Variants in GLRA1 observed in about 807,000 individuals in gnomAD.
GLRA1 encodes glycine receptor alpha 1.
GLRA1 carries 37 observed loss-of-function variants against 48.3 expected under a neutral mutation model. The observed-to-expected ratio is 0.77, with a 90% CI of 0.59 to 1.01. The LOEUF (loss-of-function observed/expected upper bound fraction) is 1.01, where lower values mean the gene tolerates loss of function less well. Among genes scored for constraint, GLRA1 ranks in the 50% least tolerant of loss-of-function variants. The probability of loss-of-function intolerance (pLI) is 0.00; values close to 1 mark genes in which losing one functional copy is unlikely to be tolerated. For missense variants in GLRA1, 427 were observed against 571.0 expected (o/e 0.75, Z 2.57); for synonymous variants, 196 against 210.7 (o/e 0.93, Z 0.60).
chr5:151,838,277 G>T (rs999618007), intron 7 of GLRA1, among the ~76,000 whole-genome samples: 19 of 152,122 alleles, frequency 1.2e-4, no homozygotes, highest in African/African-American at 3.6e-4. Context: ...AGACCAGCCT[G>T]GCCAACATGG....
chr5:151,851,604 C>T lies in GLRA1; in HGVS notation c.698G>A (p.Gly233Asp). 6.2e-7 allele frequency: 1 copy of T among 1,609,648 alleles called. No individual in the cohort carries two copies. Among genetic ancestry groups the T allele is most frequent in the East Asian group, 2.2e-5 (1 of 44,858 alleles). ...LRYCTKHYNT[G>D]KFTCIEARFH... ...CCGGGCCTCAATGCAGGTGAATTTA[C>T]CTGCAAGAAATTGCAGTGAGAAGGC... is the stretch of plus-strand genomic sequence containing the variant. Residue 233 changes from glycine (G) to aspartate (D), a missense_variant and splice_region_variant, in exon 7 of 9, where the codon GGT becomes GAT. Transcript: ENST00000274576.
At chr5:151,889,676 A>G (rs1362397567) in intron 2 of GLRA1, among the ~76,000 whole-genome samples, 2 of 151,998 alleles carry the variant, frequency 1.3e-5, no homozygotes, top group Non-Finnish European at 2.9e-5. Context: ...ACCTCTTTCT[A>G]TCATGTTGGA....
chr5:151,876,715 A>G (rs1181171369), intron 3 of GLRA1, among the ~76,000 whole-genome samples: 1 of 152,140 alleles, frequency 6.6e-6, no homozygotes, highest in African/African-American at 2.4e-5. Context: ...AGTGACATGC[A>G]AGCAGAAGTC....
chr5:151,893,357 TTTC>T (rs1754146802), intron 1 of GLRA1, among the ~76,000 whole-genome samples: 1 of 132,818 alleles, frequency 7.5e-6, no homozygotes, highest in Non-Finnish European at 1.6e-5. Flanking sequence ...TCTTTCTTTC[TTTC>T]ATTTTAGTTC....
chr5:151,856,718 C>T (rs192086314), intron 4 of GLRA1, among the ~76,000 whole-genome samples: 102 of 151,958 alleles, frequency 6.7e-4, no homozygotes, highest in African/African-American at 2.2e-3. Context: ...ACCGGGGTCT[C>T]GCCATGTTGC....
At chr5:151,907,940 A>G (rs1754517143) in intron 1 of GLRA1, among the ~76,000 whole-genome samples, 1 of 152,132 alleles carries the variant, frequency 6.6e-6, no homozygotes, top group Non-Finnish European at 1.5e-5. Flanking sequence ...TTCTCTAGTC[A>G]TTTCCCCAGG....
At position 151,856,324 on chromosome 5, in the gene GLRA1, G is replaced by A. The variant is rs372452903; in HGVS notation, c.536C>T (p.Thr179Ile). Reference protein sequence around the residue: ...DLKNFPMDVQTCIMQLESFGY... With the variant: ...DLKNFPMDVQICIMQLESFGY... ...ACAGCTTTCCAGTTGCATGATACATGTCTGGACATCCATGGGGAAATTCTT... is the reference window on the plus strand; with the variant it reads ...ACAGCTTTCCAGTTGCATGATACATATCTGGACATCCATGGGGAAATTCTT... The change falls in exon 5 of 9, where the codon ACA (threonine) becomes ATA (isoleucine). Residue 179 changes from threonine (T) to isoleucine (I), a missense_variant. Physicochemically the swap from Thr to Ile is moderately conservative, Grantham distance 89 (BLOSUM62 -1). Transcript: ENST00000274576. 7 of 1,611,416 alleles carry A rather than the reference G, an allele frequency of 4.3e-6. No homozygotes were observed. The highest frequency in any genetic ancestry group is 5.9e-6 in the Non-Finnish European group (7 of 1,178,026).
intron 1 of GLRA1, among the ~76,000 whole-genome samples, chr5:151,897,322 A>G (rs573449828): frequency 6.6e-6 from 1 of 152,322 alleles, no homozygotes; most frequent in Admixed American, 6.5e-5. Context: ...TAGTACCACA[A>G]TTCCCGGTTA....
chr5:151,847,278 T>G (rs1014803258), intron 7 of GLRA1, among the ~76,000 whole-genome samples: 1 of 152,158 alleles, frequency 6.6e-6, no homozygotes, highest in Non-Finnish European at 1.5e-5. Flanking sequence ...CAAACAATAA[T>G]AGTGAATGTG....
At chr5:151,875,401 T>C (rs1196764582) in intron 3 of GLRA1, among the ~76,000 whole-genome samples, 1 of 152,140 alleles carries the variant, frequency 6.6e-6, no homozygotes, top group African/African-American at 2.4e-5. Flanking sequence ...CTTGAACTCT[T>C]AGCTTCAAGT....
At chr5:151,870,689 A>G (rs1171269627) in intron 3 of GLRA1, among the ~76,000 whole-genome samples, 3 of 149,638 alleles carry the variant, frequency 2.0e-5, no homozygotes, top group African/African-American at 5.1e-5. Flanking sequence ...CTGCATCACT[A>G]TATTTGTGGA....
chr5:151,859,438 A>T, intron 4 of GLRA1, among the ~76,000 whole-genome samples: 1 of 152,170 alleles, frequency 6.6e-6, no homozygotes, highest in Non-Finnish European at 1.5e-5. Context: ...GTGATTTTCT[A>T]GGCTTTATGC....
chr5:151,857,541 TCACA>T (rs1753079501), intron 4 of GLRA1, among the ~76,000 whole-genome samples: 1 of 152,120 alleles, frequency 6.6e-6, no homozygotes, highest in African/African-American at 2.4e-5. Context: ...GCTACCTTCT[TCACA>T]CACAGGGCTC....
chr5:151,865,220 A>G (rs998295518), intron 3 of GLRA1, among the ~76,000 whole-genome samples: 1 of 152,194 alleles, frequency 6.6e-6, no homozygotes, highest in Admixed American at 6.5e-5. Context: ...CTCCAGTGTA[A>G]TGTTTACACC....
At chr5:151,866,301 T>A (rs1002861087) in intron 3 of GLRA1, among the ~76,000 whole-genome samples, 4 of 152,222 alleles carry the variant, frequency 2.6e-5, no homozygotes, top group Non-Finnish European at 4.4e-5. Flanking sequence ...TGTTCATTCA[T>A]TCATTCCACA....
intron 7 of GLRA1, 61 bp from the exon 8 acceptor site, chr5:151,829,128 A>C: frequency 6.6e-7 from 1 of 1,524,734 alleles, no homozygotes; most frequent in Non-Finnish European, 9.0e-7. Context: ...AACATTAAGC[A>C]TGGCGGAATA....
chr5:151,833,507 A>G (rs752529598), intron 7 of GLRA1, among the ~76,000 whole-genome samples: 2 of 152,114 alleles, frequency 1.3e-5, no homozygotes, highest in African/African-American at 2.4e-5. Flanking sequence ...GTTGCCCCCC[A>G]GGGTGGAGTG....
At chr5:151,875,577 A>T (rs1365773515) in intron 3 of GLRA1, 1 of 152,230 alleles carries the variant, frequency 6.6e-6, no homozygotes, top group Non-Finnish European at 1.5e-5. Flanking sequence ...TTCTTGTGAC[A>T]CAAGTTCTTA....
chr5:151,843,815 C>G (rs1752583880), intron 7 of GLRA1, among the ~76,000 whole-genome samples: 1 of 152,094 alleles, frequency 6.6e-6, no homozygotes, highest in Non-Finnish European at 1.5e-5. Flanking sequence ...ATCAATTCAA[C>G]AGGGAAAAGA....
Sources: gnomAD v4.1 joint callset for allele counts (sites outside exome capture counted in the v4.1 genomes callset) on GRCh38, gnomAD v4.1.1 for gene constraint, MANE v1.5 for transcripts, NCBI Gene and HGNC (gene_info 2026-07-23, HGNC 2026-07-21) for gene names.